The following CDS1 variants were observed in gnomAD, a reference collection of about 807,000 sequenced individuals.
CDS1 encodes phosphatidate cytidylyltransferase 1.
Under a neutral mutation model 62.1 loss-of-function variants are expected in CDS1, and 41 were observed. The ratio of observed to expected loss-of-function variants is 0.66; its 90% CI spans 0.51 to 0.86. The LOEUF (loss-of-function observed/expected upper bound fraction) is 0.86. Ranked by LOEUF, CDS1 falls within the 40% of genes least tolerant of loss-of-function variation. CDS1 has a pLI of 0.00. For synonymous variants in CDS1, 185 were observed against 192.6 expected (o/e 0.96, Z 0.32); for missense variants, 470 against 550.1 (o/e 0.85, Z 1.46).
intron 1 of CDS1, among the ~76,000 whole-genome samples, chr4:84,595,745 G>A (rs58848630): frequency 0.027 from 4,183 of 152,244 alleles, 192 homozygotes; most frequent in African/African-American, 0.096. Context: ...AGTTTGGGAT[G>A]GCAGTAATAA....
intron 3 of CDS1, among the ~76,000 whole-genome samples, chr4:84,617,091 C>G (rs1274157912): frequency 6.6e-6 from 1 of 152,176 alleles, no homozygotes; most frequent in Non-Finnish European, 1.5e-5. Flanking sequence ...TTTGTCCTGA[C>G]AGTATCTTTA....
At chr4:84,640,466 C>T (rs1158671513) in intron 9 of CDS1, among the ~76,000 whole-genome samples, 1 of 151,992 alleles carries the variant, frequency 6.6e-6, no homozygotes, top group Admixed American at 6.6e-5. Context: ...TGTTTTTAAC[C>T]TGTACTATTT....
chr4:84,598,524 AG>A (rs1331352971), intron 1 of CDS1, among the ~76,000 whole-genome samples: 1 of 152,048 alleles, frequency 6.6e-6, no homozygotes, highest in African/African-American at 2.4e-5. Flanking sequence ...AGAGATGAAA[AG>A]TATGAGTGAT....
intron 5 of CDS1, among the ~76,000 whole-genome samples, chr4:84,621,069 A>G (rs1723674067): frequency 1.3e-5 from 2 of 151,716 alleles, no homozygotes. Flanking sequence ...TCAAAAAGCA[A>G]ACAAACAAAC....
chr4:84,636,553 C>A (rs1403295438), intron 8 of CDS1, among the ~76,000 whole-genome samples: 1 of 152,158 alleles, frequency 6.6e-6, no homozygotes, highest in Non-Finnish European at 1.5e-5. Flanking sequence ...GAGACAAAGT[C>A]TCGCCCTGTC....
chr4:84,640,613 T>C (rs554607134), intron 9 of CDS1, among the ~76,000 whole-genome samples: 57 of 152,314 alleles, frequency 3.7e-4, no homozygotes, highest in South Asian at 1.2e-3. Flanking sequence ...TACAATCTTA[T>C]TGATTTCAAA....
intron 1 of CDS1, among the ~76,000 whole-genome samples, chr4:84,588,607 T>G (rs1722487882): frequency 1.3e-5 from 2 of 152,054 alleles, no homozygotes; most frequent in African/African-American, 2.4e-5. Flanking sequence ...TGCTGCTGAT[T>G]GGTTGGGGAG....
intron 3 of CDS1, among the ~76,000 whole-genome samples, chr4:84,614,460 T>C (rs759753598): frequency 6.6e-6 from 1 of 152,218 alleles, no homozygotes; most frequent in Non-Finnish European, 1.5e-5. Context: ...GTTCTTTTTT[T>C]TATTGTGAAT....
chr4:84,620,919 G>T (rs1220329106), intron 5 of CDS1, among the ~76,000 whole-genome samples: 2 of 152,134 alleles, frequency 1.3e-5, no homozygotes, highest in Non-Finnish European at 2.9e-5. Flanking sequence ...AATTAGCCGG[G>T]CATGGTGGTG....
chr4:84,626,886 T>A (rs1043498430), intron 5 of CDS1, among the ~76,000 whole-genome samples: 2 of 152,198 alleles, frequency 1.3e-5, no homozygotes, highest in African/African-American at 4.8e-5. Flanking sequence ...ATTTTCTTAG[T>A]ATCAGTGTTT....
chr4:84,628,865 T>C (rs1395134187), intron 5 of CDS1, among the ~76,000 whole-genome samples: 1 of 152,206 alleles, frequency 6.6e-6, no homozygotes, highest in Non-Finnish European at 1.5e-5. Context: ...CACCTCTCTT[T>C]AGTTTGTTGG....
chr4:84,602,174 A>G (rs1177496000), intron 1 of CDS1, among the ~76,000 whole-genome samples: 1 of 152,216 alleles, frequency 6.6e-6, no homozygotes. Context: ...CGTTGCTCCA[A>G]AATGCCACTA....
At chr4:84,635,627 CT>C (rs1724171286) in intron 8 of CDS1, among the ~76,000 whole-genome samples, 1 of 58,460 alleles carries the variant, frequency 1.7e-5, no homozygotes, top group African/African-American at 6.0e-5. Context: ...GCCTGCCTGC[CT>C]TCCTTCCTTC....
intron 4 of CDS1, among the ~76,000 whole-genome samples, 200 bp downstream of exon 4, chr4:84,617,861 T>TGA (rs1723547898): frequency 6.6e-6 from 1 of 152,164 alleles, no homozygotes; most frequent in Non-Finnish European, 1.5e-5. Context: ...AGATCTCATA[T>TGA]TTTAGTCTTT....
chr4:84,622,455 C>T (rs948494897), intron 5 of CDS1, among the ~76,000 whole-genome samples: 2 of 151,880 alleles, frequency 1.3e-5, no homozygotes, highest in African/African-American at 4.8e-5. Context: ...TAGCCGGGTG[C>T]GGTGGCAGGT....
intron 5 of CDS1, among the ~76,000 whole-genome samples, chr4:84,624,056 G>A (rs996293274): frequency 1.2e-4 from 19 of 152,100 alleles, no homozygotes; most frequent in African/African-American, 4.3e-4. Flanking sequence ...CGGATCACAA[G>A]GTCAGGAAAT....
intron 4 of CDS1, 139 bp downstream of exon 4, chr4:84,617,800 G>C (rs960894740): frequency 4.4e-6 from 2 of 453,190 alleles, no homozygotes; most frequent in Admixed American, 4.3e-5. Context: ...TAATGTAATT[G>C]AATTTTGAAA....
chr4:84,607,613 G>T (rs1723170064), intron 2 of CDS1, among the ~76,000 whole-genome samples: 1 of 151,988 alleles, frequency 6.6e-6, no homozygotes, highest in Admixed American at 6.6e-5. Flanking sequence ...AAGGGAATGA[G>T]GGCTGGACAT....
chr4:84,609,966 T>C (rs1723266327), intron 3 of CDS1, among the ~76,000 whole-genome samples: 1 of 151,686 alleles, frequency 6.6e-6, no homozygotes, highest in African/African-American at 2.4e-5. Context: ...TGCTGTGAGC[T>C]GTGGTTGTGC....
Sources: allele counts gnomAD v4.1 joint callset (sites outside exome capture counted in the v4.1 genomes callset), GRCh38; gene constraint gnomAD v4.1.1; transcripts MANE v1.5; gene names NCBI Gene and HGNC (gene_info 2026-07-23, HGNC 2026-07-21).